Variants in RTTN observed in about 807,000 individuals in gnomAD.
RTTN encodes the protein rotatin.
A neutral mutation model predicts 269.2 loss-of-function variants in RTTN; 182 were observed. The observed-to-expected ratio is 0.68, with a 90% CI of 0.60 to 0.76. RTTN has a LOEUF of 0.76. Among genes scored for constraint, RTTN ranks in the 30% least tolerant of loss-of-function variants. The probability of loss-of-function intolerance (pLI) is 0.00; values close to 1 mark genes in which losing one functional copy is unlikely to be tolerated. For synonymous variants in RTTN, 1,006 were observed against 963.5 expected (o/e 1.04, Z -0.82); for missense variants, 2,545 against 2,608.6 (o/e 0.98, Z 0.53).
chr18:70,005,062 T>G (rs934272406), intron 48 of RTTN, 136 bp downstream of exon 48: 26 of 521,916 alleles, frequency 5.0e-5, no homozygotes, highest in African/African-American at 4.7e-4. Flanking sequence ...AAAAATGATA[T>G]AATTAAAGCA....
Position 70,193,294 on chromosome 18 carries a change from G to A in RTTN, c.1001C>T (p.Ser334Phe). The change falls in exon 8 of 49, where the codon TCC becomes TTC. Residue 334 changes from serine to phenylalanine, a missense_variant. Transcript: ENST00000640769. Reference protein sequence around the residue: ...RGDGQDWDAASSSGSSSHAHV... With the variant: ...RGDGQDWDAAFSSGSSSHAHV... ...AGACACTGCTAGCAGTCACCTAGAG[G>A]ACGCTGCATCCCAGTCCTGGCCATC... is the stretch of plus-strand genomic sequence containing the variant. The A allele has an allele frequency of 1.9e-6, 3 of 1,610,620 alleles. No homozygotes were observed. The highest frequency in any genetic ancestry group is 8.5e-7 in the Non-Finnish European group (1 of 1,178,260).
Position 70,066,600 on chromosome 18 carries a change from G to A in RTTN, c.4654-678C>T, listed in dbSNP as rs144235237. ...TAGTTGAAAAACACTTATGTGGTGA[G>A]GTCAGATAACTCTTTTCCTTACCAT... On this transcript the variant is annotated intron_variant, in intron 34 of 48. Coordinates refer to ENST00000640769, the MANE Select transcript of RTTN (RefSeq NM_173630.4). Among the ~76,000 whole-genome samples, 1,127 of 152,242 alleles carry A rather than the reference G, an allele frequency of 7.4e-3. 8 individuals are homozygous for A. The highest frequency in any genetic ancestry group is 0.01 in the Non-Finnish European group (706 of 68,020).
chr18:70,042,400 G>C (rs2057371190), intron 40 of RTTN, among the ~76,000 whole-genome samples: 1 of 135,158 alleles, frequency 7.4e-6, no homozygotes, highest in Non-Finnish European at 1.5e-5. Context: ...TTTTGAGACG[G>C]AGTCTCGCTC....
At chr18:70,048,402 T>C (rs772037721) in intron 39 of RTTN, among the ~76,000 whole-genome samples, 11 of 152,210 alleles carry the variant, frequency 7.2e-5, no homozygotes, top group Non-Finnish European at 1.5e-4. Context: ...AAATATTTCA[T>C]AGCAGTTCAG....
intron 43 of RTTN, 140 bp from the exon 44 acceptor site, chr18:70,024,988 A>G (rs1161378839): frequency 5.5e-6 from 5 of 912,204 alleles, no homozygotes; most frequent in Non-Finnish European, 8.1e-6. Flanking sequence ...CCCCAGCCCC[A>G]TTGGGCTCCA....
intron 10 of RTTN, 63 bp from the exon 11 acceptor site, chr18:70,176,908 A>C: frequency 2.3e-6 from 3 of 1,282,670 alleles, no homozygotes; most frequent in Non-Finnish European, 3.3e-6. Flanking sequence ...CAGTATACAA[A>C]AGCCATGGAG....
intron 4 of RTTN, among the ~76,000 whole-genome samples, chr18:70,201,525 G>A (rs1198237374): frequency 5.6e-5 from 8 of 142,518 alleles, no homozygotes; most frequent in Admixed American, 2.2e-4. Context: ...GGAGAATGGC[G>A]TGAACCCGGG....
At chr18:70,112,222 C>A (rs1302069424) in intron 27 of RTTN, among the ~76,000 whole-genome samples, 1 of 152,046 alleles carries the variant, frequency 6.6e-6, no homozygotes, top group Non-Finnish European at 1.5e-5. Flanking sequence ...TAAAGAACAT[C>A]GACGCTATGA....
intron 34 of RTTN, among the ~76,000 whole-genome samples, chr18:70,070,355 C>A (rs571760142): frequency 3.5e-4 from 54 of 152,324 alleles, no homozygotes; most frequent in Admixed American, 7.8e-4. Flanking sequence ...TTTCTCTCTC[C>A]ATCATCACAC....
At chr18:70,113,172 A>T (rs1293183121) in intron 27 of RTTN, among the ~76,000 whole-genome samples, 1 of 151,872 alleles carries the variant, frequency 6.6e-6, no homozygotes, top group African/African-American at 2.4e-5. Flanking sequence ...AAAGCAAAAA[A>T]CAAAACAAAA....
At position 70,139,712 on chromosome 18, in the gene RTTN, A is replaced by G. The variant is rs745573979; in HGVS notation, c.2675T>C (p.Val892Ala). ...NECVSQDGKVVECLVQPCLTL... is the reference protein window; with the variant it reads ...NECVSQDGKVAECLVQPCLTL... ...GAGGCATGGTTGTACCAAACATTCT[A>G]CAACCTGGGCCAGGAGGAAAAACAC... is the stretch of plus-strand genomic sequence containing the variant. The change falls in exon 21 of 49, where the codon GTA (valine) becomes GCA (alanine). Residue 892 changes from valine to alanine, a missense_variant. Coordinates refer to ENST00000640769, the MANE Select transcript of RTTN (RefSeq NM_173630.4). 2 of 1,599,036 alleles carry G rather than the reference A, an allele frequency of 1.3e-6. No individual in the cohort carries two copies. The highest frequency in any genetic ancestry group is 2.2e-5 in the South Asian group (2 of 90,514).
At chr18:70,125,119 A>T (rs1328475363) in intron 25 of RTTN, among the ~76,000 whole-genome samples, 1 of 152,074 alleles carries the variant, frequency 6.6e-6, no homozygotes, top group African/African-American at 2.4e-5. Context: ...TAAAATAATC[A>T]TCTTGGAAAG....
intron 8 of RTTN, 55 bp downstream of exon 8, chr18:70,193,233 C>T: frequency 7.7e-7 from 1 of 1,293,070 alleles, no homozygotes; most frequent in Non-Finnish European, 1.1e-6. Flanking sequence ...GAAATTAACA[C>T]ACACACAAGT....
intron 40 of RTTN, among the ~76,000 whole-genome samples, chr18:70,043,098 T>C (rs764056448): frequency 7.2e-5 from 11 of 152,024 alleles, no homozygotes; most frequent in Non-Finnish European, 1.3e-4. Context: ...AGGCACCAAG[T>C]AGGTTAGAAG....
chr18:70,091,341 G>A (rs1189084955), intron 30 of RTTN, among the ~76,000 whole-genome samples: 1 of 152,060 alleles, frequency 6.6e-6, no homozygotes, highest in Non-Finnish European at 1.5e-5. Context: ...TTTGAAGACA[G>A]GGTTTCTAGG....
Position 70,177,965 on chromosome 18 carries a change from A to G in RTTN, c.1306-1120T>C, listed in dbSNP as rs144478728. Among the ~76,000 whole-genome samples, 235 of 152,346 alleles carry G rather than the reference A, an allele frequency of 1.5e-3. 1 individual carries two copies. Among genetic ancestry groups the G allele is most frequent in the African/African-American group, 5.0e-3 (210 of 41,586 alleles). On this transcript the variant is annotated intron_variant, in intron 10 of 48. Coordinates refer to ENST00000640769, the MANE Select transcript of RTTN (RefSeq NM_173630.4). ...CAAAAGAACTGAAAGCAGGGTCTCCAAAAGAGATGTATACACACCCAGGTT... is the reference window on the plus strand; with the variant it reads ...CAAAAGAACTGAAAGCAGGGTCTCCGAAAGAGATGTATACACACCCAGGTT...
At chr18:70,117,683 T>C (rs1568410909) in intron 26 of RTTN, among the ~76,000 whole-genome samples, 2 of 152,050 alleles carry the variant, frequency 1.3e-5, no homozygotes, top group Non-Finnish European at 2.9e-5. Context: ...GAATAAATTA[T>C]AAAATATACA....
At chr18:70,028,174 A>T (rs1487376245) in intron 43 of RTTN, among the ~76,000 whole-genome samples, 2 of 152,224 alleles carry the variant, frequency 1.3e-5, no homozygotes, top group African/African-American at 4.8e-5. Context: ...TAGTACTGAT[A>T]CAATGGTTTA....
chr18:70,044,296 C>T (rs1342165144), intron 40 of RTTN, among the ~76,000 whole-genome samples: 1 of 152,170 alleles, frequency 6.6e-6, no homozygotes, highest in Non-Finnish European at 1.5e-5. Flanking sequence ...TCCTCATTTG[C>T]ATTACTACTT....
Sources: allele counts gnomAD v4.1 joint callset (sites outside exome capture counted in the v4.1 genomes callset), GRCh38; gene constraint gnomAD v4.1.1; transcripts MANE v1.5; gene names NCBI Gene and HGNC (gene_info 2026-07-23, HGNC 2026-07-21).